NEDD4: variants seen among roughly 807,000 people sequenced by gnomAD.
NEDD4 encodes E3 ubiquitin-protein ligase NEDD4.
In NEDD4, 99 loss-of-function variants were observed where a neutral mutation model predicts 144.9. The observed-to-expected ratio is 0.68, with a 90% confidence interval of 0.58 to 0.81. The LOEUF (loss-of-function observed/expected upper bound fraction) is 0.81. Among genes scored for constraint, NEDD4 ranks in the 30% least tolerant of loss-of-function variants. The pLI is 0.00. For missense variants in NEDD4, 985 were observed against 1,065.9 expected (o/e 0.92, Z 1.06); for synonymous variants, 318 against 350.6 (o/e 0.91, Z 1.04).
chr15:55,905,337 C>T (rs1331448996), intron 5 of NEDD4: 8 of 452,158 alleles, frequency 1.8e-5, no homozygotes, highest in South Asian at 1.1e-4. Context: ...AACAAATTGA[C>T]CTCAGAGAGA....
intron 5 of NEDD4, among the ~76,000 whole-genome samples, chr15:55,888,067 A>G (rs926406083): frequency 6.6e-6 from 1 of 152,210 alleles, no homozygotes; most frequent in African/African-American, 2.4e-5. Context: ...TTCCTCTAAC[A>G]TCTGGAACAT....
chr15:55,951,744 A>G (rs1469785913), intron 2 of NEDD4, among the ~76,000 whole-genome samples, 155 bp from the exon 3 acceptor site: 1 of 152,124 alleles, frequency 6.6e-6, no homozygotes, highest in African/African-American at 2.4e-5. Context: ...CAGGTAAGCA[A>G]TTAAAGTAAT....
At chr15:55,904,472 T>A (rs1311978131) in intron 5 of NEDD4, among the ~76,000 whole-genome samples, 1 of 151,910 alleles carries the variant, frequency 6.6e-6, no homozygotes, top group Non-Finnish European at 1.5e-5. Flanking sequence ...CTGGCTAATT[T>A]TTCTGTTTTC....
At chr15:55,962,792 T>A (rs970669775) in intron 2 of NEDD4, among the ~76,000 whole-genome samples, 7 of 152,002 alleles carry the variant, frequency 4.6e-5, no homozygotes, top group South Asian at 2.1e-4. Flanking sequence ...ACTTTTATTT[T>A]TTTTATTTTA....
intron 23 of NEDD4, 45 bp downstream of exon 23, chr15:55,838,062 G>T: frequency 8.2e-7 from 1 of 1,212,244 alleles, no homozygotes; most frequent in Non-Finnish European, 1.2e-6. Flanking sequence ...CTGGAATAAA[G>T]TACAAAATTA....
intron 5 of NEDD4, among the ~76,000 whole-genome samples, chr15:55,884,750 G>T (rs2035325828): frequency 6.6e-6 from 1 of 151,984 alleles, no homozygotes; most frequent in African/African-American, 2.4e-5. Context: ...AAAAAACACA[G>T]TAAGAGGAGA....
chr15:55,865,275 G>T (rs1408815662), intron 8 of NEDD4, among the ~76,000 whole-genome samples: 1 of 150,380 alleles, frequency 6.6e-6, no homozygotes, highest in South Asian at 2.1e-4. Context: ...AAAATACGCA[G>T]ATTACTTAGA....
At chr15:55,834,625 T>C (rs1469895004) in intron 24 of NEDD4, among the ~76,000 whole-genome samples, 1 of 152,058 alleles carries the variant, frequency 6.6e-6, no homozygotes, top group Non-Finnish European at 1.5e-5. Context: ...ACACCATCTC[T>C]ACAAAAAAAT....
At chr15:55,974,841 C>A (rs2037671444) in intron 1 of NEDD4, among the ~76,000 whole-genome samples, 1 of 149,400 alleles carries the variant, frequency 6.7e-6, no homozygotes, top group Non-Finnish European at 1.5e-5. Context: ...AACTGAAAGC[C>A]TTTCCTCTAT....
intron 4 of NEDD4, among the ~76,000 whole-genome samples, chr15:55,926,813 C>T (rs1406384608): frequency 2.0e-5 from 3 of 152,200 alleles, no homozygotes; most frequent in East Asian, 1.9e-4. Context: ...TGGTGGCTCA[C>T]GCCTGTAATC....
chr15:55,952,420 T>C (rs2037258201), intron 2 of NEDD4, among the ~76,000 whole-genome samples: 1 of 152,180 alleles, frequency 6.6e-6, no homozygotes, highest in Non-Finnish European at 1.5e-5. Context: ...TCTTGTGATA[T>C]ATAGGGTTGT....
intron 1 of NEDD4, among the ~76,000 whole-genome samples, chr15:55,969,414 AG>A (rs1230056882): frequency 4.0e-4 from 61 of 152,282 alleles, no homozygotes; most frequent in African/African-American, 1.4e-3. Context: ...TCTTGGAGCC[AG>A]TAGATTTGGG....
intron 5 of NEDD4, among the ~76,000 whole-genome samples, chr15:55,914,833 T>G (rs2036384208): frequency 6.6e-6 from 1 of 152,086 alleles, no homozygotes; most frequent in Admixed American, 6.5e-5. Context: ...TAAATAAGCA[T>G]TCTAAATTTT....
At chr15:55,920,813 G>A (rs971231687) in intron 5 of NEDD4, among the ~76,000 whole-genome samples, 1 of 152,134 alleles carries the variant, frequency 6.6e-6, no homozygotes, top group Non-Finnish European at 1.5e-5. Flanking sequence ...AATGGCTATA[G>A]GTTCTATAAC....
At chr15:55,919,252 T>G (rs1297917316) in intron 5 of NEDD4, among the ~76,000 whole-genome samples, 1 of 152,172 alleles carries the variant, frequency 6.6e-6, no homozygotes, top group Non-Finnish European at 1.5e-5. Context: ...GATGGTGTCA[T>G]CACAGTCACT....
chr15:55,904,499 T>C (rs1465184685), intron 5 of NEDD4, among the ~76,000 whole-genome samples: 3 of 151,972 alleles, frequency 2.0e-5, no homozygotes, highest in Admixed American at 6.6e-5. Context: ...GACGAGGTTT[T>C]ACCATGCTGG....
intron 1 of NEDD4, 81 bp from the exon 2 acceptor site, chr15:55,966,627 ATAAAG>A (rs879313465): frequency 2.0e-5 from 12 of 593,308 alleles, no homozygotes; most frequent in South Asian, 3.2e-5. Flanking sequence ...TATATATCAA[ATAAAG>A]TAATTAGGAT....
chr15:55,909,854 T>C (rs1485014230), intron 5 of NEDD4, among the ~76,000 whole-genome samples: 1 of 152,226 alleles, frequency 6.6e-6, no homozygotes, highest in Non-Finnish European at 1.5e-5. Context: ...GTTTTCTACA[T>C]GGAAGCTCTA....
chr15:55,856,160 T>C lies in NEDD4; in HGVS notation c.997A>G (p.Thr333Ala), dbSNP rs976129867. The C allele has an allele frequency of 9.9e-6, 16 of 1,612,784 alleles. No homozygotes were observed. Among genetic ancestry groups the C allele is most frequent in the Non-Finnish European group, 1.1e-5 (13 of 1,179,624 alleles). Residue 333 changes from threonine to alanine, a missense_variant, in exon 12 of 29, where the codon ACT (threonine) becomes GCT (alanine). By Grantham distance (58) the Thr-to-Ala change is moderately conservative. Transcript: ENST00000435532. ...SSRRGSLQAY[T>A]FEEQPTLPVL... ...GGAAGTGTAGGTTGTTCCTCAAAAG[T>C]ATAGGCTTGTAAGCTGCCTCTTCTG... is the stretch of plus-strand genomic sequence containing the variant.
Sources: gnomAD v4.1 joint callset for allele counts (sites outside exome capture counted in the v4.1 genomes callset) on GRCh38, gnomAD v4.1.1 for gene constraint, MANE v1.5 for transcripts, NCBI Gene and HGNC (gene_info 2026-07-23, HGNC 2026-07-21) for gene names.